The following COL23A1 variants were observed in gnomAD, a reference collection of about 807,000 sequenced individuals.
COL23A1 encodes the protein collagen type XXIII alpha 1 chain, also known as collagen alpha-1(XXIII) chain.
A neutral mutation model predicts 99.3 loss-of-function variants in COL23A1; 97 were observed. The ratio of observed to expected loss-of-function variants is 0.98; its 90% CI spans 0.83 to 1.16. The LOEUF is 1.16. COL23A1 is among the 50% of genes most tolerant of loss of function. The probability of loss-of-function intolerance (pLI) is 0.00; values close to 1 mark genes in which losing one functional copy is unlikely to be tolerated. For missense variants in COL23A1, 762 were observed against 757.4 expected (o/e 1.01, Z -0.07); for synonymous variants, 320 against 308.2 (o/e 1.04, Z -0.40).
rs1581695592 is a variant in COL23A1, at chr5:178,589,837, C to G, written c.294+67G>C. On this transcript the variant is annotated intron_variant, in intron 1 of 28. Transcript: ENST00000390654. This position sits in a 1 kb window ranked among gnomAD's most constrained non-coding sequence, Gnocchi z 5.4. ...AGAGACCTGCACGCTGCCCCCGGCT[C>G]CCAGCGTACCGCCACCCTCAACCCG... is the stretch of plus-strand genomic sequence containing the variant. 8.1e-7 allele frequency: 1 copy of G among 1,233,222 alleles called. No homozygotes were observed. Among genetic ancestry groups the G allele is most frequent in the African/African-American group, 1.6e-5 (1 of 63,216 alleles). The allele number at this position is 1,233,222 out of a possible 1,614,324, so 76.4% of individuals were successfully genotyped here.
chr5:178,325,459 T>C (rs1431582153), intron 2 of COL23A1, among the ~76,000 whole-genome samples: 1 of 150,248 alleles, frequency 6.7e-6, no homozygotes, highest in East Asian at 1.9e-4. Flanking sequence ...TGAGCTGTGC[T>C]ACTCAAGTCT....
chr5:178,554,323 C>T (rs930569113), intron 2 of COL23A1, among the ~76,000 whole-genome samples: 4 of 152,120 alleles, frequency 2.6e-5, no homozygotes, highest in Non-Finnish European at 4.4e-5. Context: ...GGATTACAGG[C>T]GTGTGCCACT....
At chr5:178,268,591 C>T (rs1756039722) in intron 7 of COL23A1, 139 bp downstream of exon 7, 1 of 707,024 alleles carries the variant, frequency 1.4e-6, no homozygotes, top group Non-Finnish European at 2.2e-6. Context: ...ACTGTGATTC[C>T]CACTCTACAG....
At chr5:178,372,485 C>T (rs1020610404) in intron 2 of COL23A1, among the ~76,000 whole-genome samples, 1 of 152,338 alleles carries the variant, frequency 6.6e-6, no homozygotes, top group Admixed American at 6.5e-5. Flanking sequence ...ACCAAAGCAG[C>T]GTCCACAGGA....
At chr5:178,437,744 G>A (rs763084450) in intron 2 of COL23A1, among the ~76,000 whole-genome samples, 4 of 152,082 alleles carry the variant, frequency 2.6e-5, no homozygotes, top group East Asian at 1.9e-4. Flanking sequence ...CCAGACCTAC[G>A]TCTCCATCAG....
At chr5:178,562,713 A>AT (rs1762646424) in intron 1 of COL23A1, 1 of 133,632 alleles carries the variant, frequency 7.5e-6, no homozygotes, top group Non-Finnish European at 1.5e-5. Context: ...GGACCCACGC[A>AT]GGTTGCTGCC....
chr5:178,466,001 C>T (rs987989002), intron 2 of COL23A1, among the ~76,000 whole-genome samples: 1 of 152,182 alleles, frequency 6.6e-6, no homozygotes, highest in Non-Finnish European at 1.5e-5. Context: ...GTGTCCACAT[C>T]ACCCTGGTCC....
chr5:178,383,635 C>T (rs1348676871), intron 2 of COL23A1, among the ~76,000 whole-genome samples: 1 of 152,190 alleles, frequency 6.6e-6, no homozygotes, highest in African/African-American at 2.4e-5. Context: ...GACTTGTGTC[C>T]CAGGACTTTT....
At chr5:178,443,468 G>T (rs941322539) in intron 2 of COL23A1, among the ~76,000 whole-genome samples, 1 of 152,120 alleles carries the variant, frequency 6.6e-6, no homozygotes, top group Non-Finnish European at 1.5e-5. Context: ...GTTGTTTTTT[G>T]TTTCTTTTTT....
rs1761509599 is a variant in COL23A1 at position 178,354,464 on chromosome 5, C to T, written c.362-47545G>A. On this transcript the variant is annotated intron_variant, in intron 2 of 28. Transcript: ENST00000390654. ...CTCAAGTCTCCTGTTCAACTGTAAT[C>T]CTCAGTGTTGGAGGTGGGGCTTGGT... Among the ~76,000 whole-genome samples, 2 of 152,138 alleles carry T rather than the reference C, an allele frequency of 1.3e-5. 1 individual carries two copies. Among genetic ancestry groups the T allele is most frequent in the South Asian group, 4.2e-4 (2 of 4,818 alleles).
Position 178,572,827 on chromosome 5 carries a change from T to C in COL23A1, c.295-12079A>G, listed in dbSNP as rs144897884. On this transcript the variant is annotated intron_variant, in intron 1 of 28. Transcript: ENST00000390654. ...AACAAATTGTGGTATATCCATATAG[T>C]GAAGTAATACTCGGTAATGAAAAAG... Among the ~76,000 whole-genome samples, 384 of 152,352 alleles carry C rather than the reference T, an allele frequency of 2.5e-3. 3 individuals are homozygous for C. The highest frequency in any genetic ancestry group is 8.8e-3 in the African/African-American group (366 of 41,582).
intron 2 of COL23A1, among the ~76,000 whole-genome samples, chr5:178,401,225 G>C (rs73349100): frequency 0.036 from 5,447 of 152,278 alleles, 319 homozygotes; most frequent in African/African-American, 0.12. Context: ...CGTATGGATG[G>C]ATCACAGTTG....
Position 178,263,233 on chromosome 5 carries a change from C to T in COL23A1, c.614G>A (p.Gly205Asp). 6.2e-7 allele frequency: 1 copy of T among 1,613,768 alleles called. No homozygotes were observed. Among genetic ancestry groups the T allele is most frequent in the Non-Finnish European group, 8.5e-7 (1 of 1,179,850 alleles). Reference sequence around the variant, plus strand: ...CGCTGGGCCTTGTGCTCCCCTGGGGCCATCTTTCCCAGTGTCGCCAGGAGG... The same window carrying T: ...CGCTGGGCCTTGTGCTCCCCTGGGGTCATCTTTCCCAGTGTCGCCAGGAGG... ...RGPPGDTGKD[G>D]PRGAQGPAGP... The change falls in exon 9 of 29, where the codon GGC becomes GAC. Residue 205 changes from glycine to aspartate, a missense_variant. Physicochemically the swap from Gly to Asp is moderately conservative, Grantham distance 94. Coordinates refer to ENST00000390654, the MANE Select transcript of COL23A1 (RefSeq NM_173465.4).
At chr5:178,420,107 G>A (rs1226083869) in intron 2 of COL23A1, among the ~76,000 whole-genome samples, 1 of 152,152 alleles carries the variant, frequency 6.6e-6, no homozygotes, top group African/African-American at 2.4e-5. Context: ...TTCAGTCTCA[G>A]GGAAAAGCTG....
chr5:178,293,215 C>T (rs1561833681), intron 3 of COL23A1, among the ~76,000 whole-genome samples: 1 of 151,706 alleles, frequency 6.6e-6, no homozygotes, highest in African/African-American at 2.4e-5. Flanking sequence ...AGTGGTCCAG[C>T]AGAGAGAGAG....
chr5:178,238,662 A>T lies in COL23A1; in HGVS notation c.*36T>A, dbSNP rs1254978263. The T allele has an allele frequency of 1.9e-6, 3 of 1,611,844 alleles. No individual in the cohort carries two copies. Among genetic ancestry groups the T allele is most frequent in the African/African-American group, 2.7e-5 (2 of 74,998 alleles). On this transcript the variant is annotated 3_prime_UTR_variant, in exon 29 of 29. Coordinates refer to ENST00000390654, the MANE Select transcript of COL23A1 (RefSeq NM_173465.4). The stretch of plus-strand genomic sequence containing the variant: ...GTTTTTACAAAAATTAAAAATGTCC[A>T]CACGGATCTGTACAGGTGTGAGCTG...
Position 178,309,569 on chromosome 5 carries a change from G to C in COL23A1, c.362-2650C>G, listed in dbSNP as rs1758556024. ...CGGTCTACCCTTTATTCTGAGCTCT[G>C]TACCTAAATGTCCAACTCCACTGGG... On this transcript the variant is annotated intron_variant, in intron 2 of 28. Coordinates refer to ENST00000390654, the MANE Select transcript of COL23A1 (RefSeq NM_173465.4). This position sits in a 1 kb window ranked among gnomAD's most constrained non-coding sequence, Gnocchi z 4.7. 6.6e-6 allele frequency among the ~76,000 whole-genome samples: 1 copy of C among 151,992 alleles called. No homozygotes were observed. The highest frequency in any genetic ancestry group is 2.1e-4 in the South Asian group (1 of 4,820).
At chr5:178,488,529 G>A (rs142509411) in intron 2 of COL23A1, among the ~76,000 whole-genome samples, 58 of 152,242 alleles carry the variant, frequency 3.8e-4, no homozygotes, top group Non-Finnish European at 5.7e-4. Context: ...TATATTCAAT[G>A]TTTTCCTTAA....
In COL23A1 at chr5:178,290,452, T is replaced by A. The variant is rs1757394687; in HGVS notation, c.407-83A>T. 2.5e-6 allele frequency: 4 copies of A among 1,575,412 alleles called. No homozygotes were observed. In the African/African-American group the frequency reaches 5.4e-5, roughly 21 times the overall value. On this transcript the variant is annotated intron_variant, in intron 3 of 28. Coordinates refer to ENST00000390654, the MANE Select transcript of COL23A1 (RefSeq NM_173465.4). Reference sequence around the variant, plus strand: ...GTCCTCAGCACGGTCCCCTCACCTGTCCTCAGCACGGCTCCTGGCCACCTC... The same window carrying A: ...GTCCTCAGCACGGTCCCCTCACCTGACCTCAGCACGGCTCCTGGCCACCTC...
Sources: allele counts gnomAD v4.1 joint callset (sites outside exome capture counted in the v4.1 genomes callset), GRCh38; gene constraint gnomAD v4.1.1; non-coding constraint Gnocchi (gnomAD v3.1); transcripts MANE v1.5; gene names NCBI Gene and HGNC (gene_info 2026-07-23, HGNC 2026-07-21).